LRBA: variants seen among roughly 807,000 people sequenced by gnomAD.
LRBA encodes the protein lipopolysaccharide-responsive and beige-like anchor protein.
In LRBA, 176 loss-of-function variants were observed where a neutral mutation model predicts 330.0. The observed-to-expected ratio is 0.53, with a 90% CI of 0.47 to 0.60. The LOEUF is 0.60. LRBA is among the 20% of genes least tolerant of loss of function. The pLI, the probability that LRBA is intolerant of heterozygous loss-of-function variation, is 0.00. For missense variants in LRBA, 3,259 were observed against 3,444.8 expected (o/e 0.95, Z 1.35); for synonymous variants, 1,230 against 1,193.0 (o/e 1.03, Z -0.64).
chr4:150,879,041 T>C (rs1728074041), intron 17 of LRBA, among the ~76,000 whole-genome samples: 1 of 151,970 alleles, frequency 6.6e-6, no homozygotes, highest in African/African-American at 2.4e-5. Flanking sequence ...ATCACCCTGA[T>C]ACCAAAACCC....
intron 35 of LRBA, among the ~76,000 whole-genome samples, chr4:150,755,259 C>T (rs1468532781): frequency 6.6e-6 from 1 of 152,172 alleles, no homozygotes; most frequent in Non-Finnish European, 1.5e-5. Flanking sequence ...AGCATTATGT[C>T]TTTTATGTGG....
chr4:150,810,312 C>T (rs1743535452), intron 31 of LRBA, among the ~76,000 whole-genome samples: 1 of 152,246 alleles, frequency 6.6e-6, no homozygotes, highest in Non-Finnish European at 1.5e-5. Flanking sequence ...TGGATAATTA[C>T]TGAGCCCACC....
At chr4:150,572,794 G>A (rs536045826) in intron 40 of LRBA, among the ~76,000 whole-genome samples, 17 of 152,128 alleles carry the variant, frequency 1.1e-4, no homozygotes, top group Middle Eastern at 3.4e-3. Flanking sequence ...ATGAGGGAGG[G>A]TTGTTGCTAC....
chr4:150,293,090 A>C (rs1728534252), intron 53 of LRBA, among the ~76,000 whole-genome samples: 1 of 152,150 alleles, frequency 6.6e-6, no homozygotes, highest in South Asian at 2.1e-4. Flanking sequence ...AGGCATATAG[A>C]TTATAGATAA....
chr4:150,443,872 ATTTTTTT>A (rs61403112), intron 44 of LRBA, among the ~76,000 whole-genome samples: 2,793 of 88,392 alleles, frequency 0.032, 86 homozygotes, highest in Non-Finnish European at 0.042. Flanking sequence ...ATATATATAT[ATTTTTTT>A]TTTTTTTTTT....
intron 22 of LRBA, among the ~76,000 whole-genome samples, chr4:150,853,365 A>G (rs1750846815): frequency 1.3e-5 from 2 of 152,222 alleles, no homozygotes; most frequent in Admixed American, 6.5e-5. Context: ...GAGATTAAAA[A>G]TATCAATTAA....
At chr4:150,809,924 CGATACGAT>C (rs1743465975) in intron 31 of LRBA, among the ~76,000 whole-genome samples, 1 of 150,096 alleles carries the variant, frequency 6.7e-6, no homozygotes, top group Non-Finnish European at 1.5e-5. Context: ...CGATACGATA[CGATACGAT>C]ACTTCCCTCT....
At chr4:150,428,126 T>G (rs758789616) in intron 46 of LRBA, among the ~76,000 whole-genome samples, 4 of 152,070 alleles carry the variant, frequency 2.6e-5, no homozygotes, top group Admixed American at 1.3e-4. Flanking sequence ...ATATATGAGT[T>G]CATATAATAT....
chr4:150,654,427 G>A (rs944440291), intron 37 of LRBA, among the ~76,000 whole-genome samples: 2 of 152,086 alleles, frequency 1.3e-5, no homozygotes, highest in Non-Finnish European at 2.9e-5. Flanking sequence ...GACCTCACGC[G>A]ATCCACCCAT....
At chr4:150,565,116 T>C (rs1768957517) in intron 40 of LRBA, among the ~76,000 whole-genome samples, 1 of 152,150 alleles carries the variant, frequency 6.6e-6, no homozygotes, top group Middle Eastern at 3.4e-3. Flanking sequence ...CAAATGCCCA[T>C]CAATGACAGA....
At chr4:150,306,080 C>T (rs539068125) in intron 52 of LRBA, among the ~76,000 whole-genome samples, 1 of 152,198 alleles carries the variant, frequency 6.6e-6, no homozygotes, top group Middle Eastern at 3.4e-3. Flanking sequence ...AGCTGTGCTA[C>T]AAATAAAAAA....
intron 41 of LRBA, among the ~76,000 whole-genome samples, chr4:150,489,756 A>T (rs1284929425): frequency 5.1e-5 from 7 of 136,472 alleles, no homozygotes; most frequent in African/African-American, 1.6e-4. Flanking sequence ...GGAATATATT[A>T]TACATATATA....
chr4:150,996,861 G>C (rs1742708909), intron 2 of LRBA, among the ~76,000 whole-genome samples: 1 of 152,020 alleles, frequency 6.6e-6, no homozygotes, highest in African/African-American at 2.4e-5. Flanking sequence ...CTCCAATCCT[G>C]TTTTCATGCT....
intron 2 of LRBA, among the ~76,000 whole-genome samples, chr4:150,946,035 T>C (rs1321133800): frequency 1.3e-5 from 2 of 152,166 alleles, no homozygotes; most frequent in South Asian, 2.1e-4. Flanking sequence ...CCTGACCTTG[T>C]GATCCACCCA....
At chr4:150,282,799 C>T (rs1747700181) in intron 54 of LRBA, among the ~76,000 whole-genome samples, 153 bp from the exon 55 acceptor site, 1 of 152,176 alleles carries the variant, frequency 6.6e-6, no homozygotes, top group Admixed American at 6.5e-5. Context: ...AGTTATTTTG[C>T]AAAATCTCCT....
At chr4:150,458,089 T>C (rs548861902) in intron 44 of LRBA, among the ~76,000 whole-genome samples, 1 of 152,018 alleles carries the variant, frequency 6.6e-6, no homozygotes, top group South Asian at 2.1e-4. Flanking sequence ...TGGAGGCTGC[T>C]TGAATTAAGT....
chr4:150,850,693 C>T, intron 24 of LRBA, 31 bp downstream of exon 24: 4 of 1,387,310 alleles, frequency 2.9e-6, no homozygotes, highest in Non-Finnish European at 4.0e-6. Flanking sequence ...TAGGTTTATA[C>T]ACATCTTCCA....
At chr4:151,009,835 C>A (rs1294442135) in intron 2 of LRBA, among the ~76,000 whole-genome samples, 3 of 151,834 alleles carry the variant, frequency 2.0e-5, no homozygotes, top group Admixed American at 2.0e-4. Context: ...AAAAAATTAG[C>A]TGGGCGTGGT....
In LRBA at chr4:150,893,152, A is replaced by G. The variant is rs1729645852; in HGVS notation, c.2068-3T>C. 1.9e-6 allele frequency: 3 copies of G among 1,575,424 alleles called. No homozygotes were observed. The African/African-American group carries it at 4.1e-5, about 21-fold the overall frequency. ...AGGACATCCATTAGATTGTCATCCT[A>G]TAATCATTTTAGAAATTTTTTTTAA... is the stretch of plus-strand genomic sequence containing the variant. On this transcript the variant is annotated splice_polypyrimidine_tract_variant and splice_region_variant and intron_variant, in intron 16 of 56. Transcript: ENST00000651943.
Sources: allele counts gnomAD v4.1 joint callset (sites outside exome capture counted in the v4.1 genomes callset), GRCh38; gene constraint gnomAD v4.1.1; transcripts MANE v1.5; gene names NCBI Gene and HGNC (gene_info 2026-07-23, HGNC 2026-07-21).